The following TTLL4 variants were observed in gnomAD, a reference collection of about 807,000 sequenced individuals.
The protein encoded by TTLL4 is tubulin monoglutamylase TTLL4.
A neutral mutation model predicts 122.7 loss-of-function variants in TTLL4; 85 were observed. The ratio of observed to expected loss-of-function variants is 0.69; its 90% CI spans 0.58 to 0.83. The LOEUF is 0.83. Among genes scored for constraint, TTLL4 ranks in the 40% least tolerant of loss-of-function variants. TTLL4 has a pLI of 0.00. For synonymous variants in TTLL4, 553 were observed against 563.0 expected, an observed-to-expected ratio of 0.98 and a Z score of 0.25; for missense variants, 1,363 against 1,488.6, an observed-to-expected ratio of 0.92 and a Z score of 1.39.
At chr2:218,741,153 A>T (rs909933631) in intron 5 of TTLL4, among the ~76,000 whole-genome samples, 10 of 152,134 alleles carry the variant, frequency 6.6e-5, no homozygotes, top group Non-Finnish European at 1.2e-4. Context: ...ACTTTGGGAG[A>T]CTAAGATGGG....
At position 218,729,511 on chromosome 2, in the gene TTLL4, A is replaced by C. The variant is rs576844936; in HGVS notation, c.-99+2164A>C. On this transcript the variant is annotated intron_variant, in intron 2 of 19. Transcript: ENST00000392102. Reference sequence around the variant, plus strand: ...AAGAGTGAAGCCAGCTTGCTTCTACACTGCCATTTTGGAACCAGAAGTCCC... The same window carrying C: ...AAGAGTGAAGCCAGCTTGCTTCTACCCTGCCATTTTGGAACCAGAAGTCCC... Among the ~76,000 whole-genome samples, 31 of 152,188 alleles carry C rather than the reference A, an allele frequency of 2.0e-4. 2 individuals carry two copies. The South Asian group carries it at 6.2e-3, about 31-fold the overall frequency.
In TTLL4 at chr2:218,747,873, C is replaced by T. The variant is rs538283660; in HGVS notation, c.2378+148C>T. On this transcript the variant is annotated intron_variant, in intron 11 of 19. Coordinates refer to ENST00000392102, the MANE Select transcript of TTLL4 (RefSeq NM_014640.5). This position sits in a 1 kb window ranked among gnomAD's most constrained non-coding sequence, Gnocchi z 4.7. ...TGGGAAATATGGAGGCTCTCTACTT[C>T]GTTAAATCTGGGGAGGGTCTTCCTG... 4 of 1,263,280 alleles carry T rather than the reference C, an allele frequency of 3.2e-6. No individual in the cohort carries two copies. The South Asian group carries it at 4.3e-5, about 14-fold the overall frequency. The allele number at this position is 1,263,280 out of a possible 1,614,324, so 78.3% of individuals were successfully genotyped here.
At chr2:218,733,735 T>G (rs997376106) in intron 2 of TTLL4, among the ~76,000 whole-genome samples, 3 of 152,250 alleles carry the variant, frequency 2.0e-5, no homozygotes, top group Non-Finnish European at 4.4e-5. Flanking sequence ...AGGGTAGGCA[T>G]GTATCCTTGT....
rs199524924 is a variant in TTLL4 at position 218,746,584 on chromosome 2, T to C, written c.1974+353T>C. 4.9e-4 allele frequency: 185 copies of C among 374,088 alleles called. 1 individual carries two copies. The East Asian group carries it at 7.8e-3, about 16-fold the overall frequency. 23.2% of individuals were successfully genotyped at this position (374,088 alleles called of 1,614,324 possible). A position where few individuals can be genotyped will look rare whatever the true frequency, so the allele number is the denominator to read the frequency against. On this transcript the variant is annotated intron_variant, in intron 8 of 19. Transcript: ENST00000392102. ...CTTGAGTTAGATTGTCTGTTTTCTGTTTATTATGTTTCCCTATGATCACTG... is the reference window on the plus strand; with the variant it reads ...CTTGAGTTAGATTGTCTGTTTTCTGCTTATTATGTTTCCCTATGATCACTG...
intron 1 of TTLL4, among the ~76,000 whole-genome samples, chr2:218,718,619 C>G (rs1941939756): frequency 6.6e-6 from 1 of 152,160 alleles, no homozygotes; most frequent in Admixed American, 6.5e-5. Flanking sequence ...CTCAGGTGAT[C>G]TGCCCACCTC....
chr2:218,712,327 G>A (rs750336968), intron 1 of TTLL4, among the ~76,000 whole-genome samples: 125 of 152,198 alleles, frequency 8.2e-4, no homozygotes, highest in Middle Eastern at 6.8e-3. Context: ...ACTTCCAAGG[G>A]ATACACTTGC....
At chr2:218,730,311 C>A (rs1467287408) in intron 2 of TTLL4, among the ~76,000 whole-genome samples, 1,119 of 14,252 alleles carry the variant, frequency 0.079, 188 homozygotes, top group Middle Eastern at 0.12. Context: ...ACTAAAAATC[C>A]AAAAAAAAAA....
intron 2 of TTLL4, among the ~76,000 whole-genome samples, chr2:218,735,463 A>G (rs960250351): frequency 6.6e-6 from 1 of 152,026 alleles, no homozygotes; most frequent in African/African-American, 2.4e-5. Flanking sequence ...GGTCCCAGCT[A>G]TTTGGGAGGC....
rs768845350 is a variant in TTLL4, at chr2:218,738,857, G to T, written c.1181G>T (p.Gly394Val). ...VNQQFPQEDA[G>V]SVRRVLPGAS... is the part of the protein sequence containing the mutation. ...CAGCAGTTTCCTCAGGAGGATGCTGGATCGGTCAGGCGGGTCCTCCCTGGT... is the reference window on the plus strand; with the variant it reads ...CAGCAGTTTCCTCAGGAGGATGCTGTATCGGTCAGGCGGGTCCTCCCTGGT... Residue 394 changes from glycine to valine, a missense_variant, in exon 3 of 20, where the codon GGA becomes GTA. Coordinates refer to ENST00000392102, the MANE Select transcript of TTLL4 (RefSeq NM_014640.5). The T allele has an allele frequency of 6.2e-7, 1 of 1,614,234 alleles. No homozygotes were observed. Among genetic ancestry groups the T allele is most frequent in the Non-Finnish European group, 8.5e-7 (1 of 1,180,050 alleles).
intron 1 of TTLL4, among the ~76,000 whole-genome samples, chr2:218,726,885 AC>A (rs1441398005): frequency 6.6e-6 from 1 of 151,874 alleles, no homozygotes; most frequent in African/African-American, 2.4e-5. Context: ...GCTCACTGCA[AC>A]CTTTGCCTCC....
chr2:218,723,740 A>C (rs1296655787), intron 1 of TTLL4, among the ~76,000 whole-genome samples: 1 of 152,206 alleles, frequency 6.6e-6, no homozygotes, highest in African/African-American at 2.4e-5. Context: ...ATTGAGTTTC[A>C]TTCTTTAGAA....
chr2:218,738,759 TA>T lies in TTLL4; in HGVS notation c.1084del (p.Ser362ValfsTer3). The T allele has an allele frequency of 6.2e-7, 1 of 1,614,114 alleles. No individual in the cohort carries two copies. Among genetic ancestry groups the T allele is most frequent in the Non-Finnish European group, 8.5e-7 (1 of 1,179,958 alleles). ...PRQGCQLEQS[S>X]FLNPSFQWNV... ...GGCAAGGCTGCCAGCTTGAACAGTC[TA>T]GTTTCCTGAACCCCAGCTTCCAGTG... On this transcript the variant is annotated frameshift_variant, in exon 3 of 20. Coordinates refer to ENST00000392102, the MANE Select transcript of TTLL4 (RefSeq NM_014640.5). LOFTEE classifies it high-confidence loss of function.
chr2:218,751,878 A>T, intron 16 of TTLL4, 72 bp downstream of exon 16: 2 of 982,368 alleles, frequency 2.0e-6, no homozygotes, highest in Middle Eastern at 2.1e-4. Context: ...CCAAAAGCAA[A>T]CAGCTTTTCT....
intron 13 of TTLL4, 138 bp downstream of exon 13, chr2:218,749,072 A>T: frequency 8.0e-7 from 1 of 1,243,066 alleles, no homozygotes; most frequent in Non-Finnish European, 1.1e-6. Context: ...GAGTGGCCAG[A>T]GTTAAGTTCT....
chr2:218,735,358 C>T (rs1942487704), intron 2 of TTLL4, among the ~76,000 whole-genome samples: 1 of 151,938 alleles, frequency 6.6e-6, no homozygotes, highest in African/African-American at 2.4e-5. Context: ...GGCCAGGAGT[C>T]GAGACCAGCC....
At position 218,752,906 on chromosome 2, in the gene TTLL4, G is replaced by A. The variant is rs1223790805; in HGVS notation, c.3120G>A (p.Glu1040=). The A allele has an allele frequency of 6.2e-7, 1 of 1,614,060 alleles. No individual in the cohort carries two copies. The highest frequency in any genetic ancestry group is 8.5e-7 in the Non-Finnish European group (1 of 1,180,022). The change falls in exon 17 of 20, where the codon GAG becomes GAA. Residue 1040 remains glutamate (E), a synonymous_variant. Coordinates refer to ENST00000392102, the MANE Select transcript of TTLL4 (RefSeq NM_014640.5). ...CCTCTCGCTATCTCCGCTTTTTTGAGCAGCCACGATATTTCAACATTCTCA... is the reference window on the plus strand; with the variant it reads ...CCTCTCGCTATCTCCGCTTTTTTGAACAGCCACGATATTTCAACATTCTCA... ...HISSRYLRFF[E]QPRYFNILTT... is the part of the protein sequence containing the mutation.
chr2:218,739,465 C>A (rs1318391620), intron 3 of TTLL4, among the ~76,000 whole-genome samples: 1 of 152,168 alleles, frequency 6.6e-6, no homozygotes, highest in Non-Finnish European at 1.5e-5. Context: ...GACTGGCCTG[C>A]AAACAAAAAT....
Position 218,749,319 on chromosome 2 carries a change from C to T in TTLL4, c.2667C>T (p.Leu889=). 6.2e-7 allele frequency: 1 copy of T among 1,614,168 alleles called. No homozygotes were observed. Among genetic ancestry groups the T allele is most frequent in the South Asian group, 1.1e-5 (1 of 91,080 alleles). ...YVRRPYSCHE[L]FGFDIMLDEN... is the part of the protein sequence containing the mutation. ...GACGGCCCTATAGCTGCCATGAACT[C>T]TTTGGTTTTGACATCATGCTAGACG... The change falls in exon 14 of 20, where the codon CTC becomes CTT. Residue 889 remains leucine, a synonymous_variant. Transcript: ENST00000392102.
intron 16 of TTLL4, 98 bp downstream of exon 16, chr2:218,751,904 CTTTTTCTTTTTTTT>C: frequency 3.8e-6 from 2 of 526,010 alleles, no homozygotes; most frequent in South Asian, 2.9e-5. Context: ...TTTTTCTTTT[CTTTTTCTTTTTTTT>C]TTTTTTGAGA....
Sources: gnomAD v4.1 joint callset for allele counts (sites outside exome capture counted in the v4.1 genomes callset) on GRCh38, gnomAD v4.1.1 for gene constraint, Gnocchi (gnomAD v3.1) non-coding constraint, MANE v1.5 for transcripts, NCBI Gene and HGNC (gene_info 2026-07-23, HGNC 2026-07-21) for gene names.